The following TMPO variants were observed in gnomAD, a reference collection of about 807,000 sequenced individuals.
TMPO encodes thymopoietin.
Under a neutral mutation model 45.4 loss-of-function variants are expected in TMPO, and 22 were observed. That is an observed-to-expected ratio of 0.48 (90% CI 0.35 to 0.69). The LOEUF (loss-of-function observed/expected upper bound fraction) is 0.69. Ranked by LOEUF, TMPO falls within the 30% of genes least tolerant of loss-of-function variation. The pLI is 0.01. For missense variants in TMPO, 512 were observed against 548.8 expected (o/e 0.93, Z 0.67); for synonymous variants, 241 against 204.1 (o/e 1.18, Z -1.54).
intron 1 of TMPO, chr12:98,516,640 C>A (rs1215773212): frequency 2.7e-6 from 2 of 745,574 alleles, no homozygotes; most frequent in African/African-American, 1.9e-5. Context: ...TGAGGAAATT[C>A]CCGCCTTTTT....
At chr12:98,518,692 G>A (rs1371040978) in intron 1 of TMPO, among the ~76,000 whole-genome samples, 1 of 151,712 alleles carries the variant, frequency 6.6e-6, no homozygotes, top group Admixed American at 6.6e-5. Flanking sequence ...CTTTTGGGGG[G>A]TAAGAAGACC....
chr12:98,516,230 C>G, intron 1 of TMPO, 84 bp downstream of exon 1: 1 of 1,306,034 alleles, frequency 7.7e-7, no homozygotes, highest in Non-Finnish European at 9.7e-7. Flanking sequence ...CCCTCCCTCC[C>G]GGGCGCCCCC....
At chr12:98,516,902 C>A (rs1262693002) in intron 1 of TMPO, among the ~76,000 whole-genome samples, 1 of 152,132 alleles carries the variant, frequency 6.6e-6, no homozygotes, top group African/African-American at 2.4e-5. Flanking sequence ...CTCCACCTCC[C>A]GGGTTCAAGC....
At chr12:98,522,201 GA>G (rs1876425557) in intron 1 of TMPO, among the ~76,000 whole-genome samples, 1 of 152,104 alleles carries the variant, frequency 6.6e-6, no homozygotes, top group Non-Finnish European at 1.5e-5. Context: ...AATTTTTATA[GA>G]GATAGTCTCA....
chr12:98,541,956 C>G (rs1359280348), intron 4 of TMPO, among the ~76,000 whole-genome samples: 1 of 152,178 alleles, frequency 6.6e-6, no homozygotes, highest in Non-Finnish European at 1.5e-5. Flanking sequence ...ACGTAGCCAT[C>G]TTCCTCATTG....
chr12:98,529,719 C>T (rs1445571741), intron 2 of TMPO, among the ~76,000 whole-genome samples: 2 of 151,990 alleles, frequency 1.3e-5, no homozygotes, highest in Non-Finnish European at 2.9e-5. Flanking sequence ...CCACCATTCC[C>T]GGCTAATTTT....
At chr12:98,528,612 T>C (rs1207620709) in intron 2 of TMPO, among the ~76,000 whole-genome samples, 1 of 151,722 alleles carries the variant, frequency 6.6e-6, no homozygotes, top group African/African-American at 2.4e-5. Flanking sequence ...GTGGGTCTTG[T>C]ATGACAATTG....
chr12:98,519,534 A>G lies in TMPO; in HGVS notation c.279+3388A>G, dbSNP rs561357679. ...GTTTTTTAGAGTACCTAGTAGGTCTATTGGCATGGTAATTAAGCTCTTTAC... is the reference window on the plus strand; with the variant it reads ...GTTTTTTAGAGTACCTAGTAGGTCTGTTGGCATGGTAATTAAGCTCTTTAC... On this transcript the variant is annotated intron_variant, in intron 1 of 8. Transcript: ENST00000556029. Among the ~76,000 whole-genome samples, 60 of 152,226 alleles carry G rather than the reference A, an allele frequency of 3.9e-4. 1 individual carries two copies. The highest frequency in any genetic ancestry group is 1.3e-3 in the African/African-American group (54 of 41,548).
At chr12:98,518,145 CAAAAAAAAA>C (rs35978276) in intron 1 of TMPO, among the ~76,000 whole-genome samples, 1 of 98,318 alleles carries the variant, frequency 1.0e-5, no homozygotes, top group African/African-American at 3.3e-5. Context: ...GACTTCGTCT[CAAAAAAAAA>C]AAAAAAAAAA....
intron 1 of TMPO, among the ~76,000 whole-genome samples, chr12:98,521,100 A>ATTTT (rs398044704): frequency 3.3e-4 from 25 of 76,766 alleles, no homozygotes; most frequent in South Asian, 4.4e-4. Context: ...TTTATGAGGA[A>ATTTT]TTTTTTTTTT....
At chr12:98,544,843 C>A in intron 6 of TMPO, 108 bp from the exon 7 acceptor site, 1 of 949,900 alleles carries the variant, frequency 1.1e-6, no homozygotes, top group Non-Finnish European at 1.7e-6. Flanking sequence ...TAAATCTTTA[C>A]TAAGGGAAAA....
intron 1 of TMPO, among the ~76,000 whole-genome samples, chr12:98,522,042 GT>G (rs896266129): frequency 6.6e-6 from 1 of 151,920 alleles, no homozygotes; most frequent in Admixed American, 6.6e-5. Context: ...GTGTTTGTTT[GT>G]TTTTTTAAGA....
chr12:98,539,787 GA>G (rs1312046937), intron 4 of TMPO, among the ~76,000 whole-genome samples: 1 of 152,062 alleles, frequency 6.6e-6, no homozygotes, highest in Non-Finnish European at 1.5e-5. Context: ...AATTGCTTTT[GA>G]TTTTTTTTAT....
chr12:98,519,028 C>A (rs1173880655), intron 1 of TMPO, among the ~76,000 whole-genome samples: 1 of 146,370 alleles, frequency 6.8e-6, no homozygotes, highest in Non-Finnish European at 1.5e-5. Flanking sequence ...ACTACAGGCG[C>A]CCGCCACCAC....
chr12:98,531,696 A>G lies in TMPO; in HGVS notation c.423A>G (p.Leu141=), dbSNP rs750999829. The G allele has an allele frequency of 1.2e-5, 19 of 1,612,718 alleles. No homozygotes were observed. Among genetic ancestry groups the G allele is most frequent in the African/African-American group, 2.7e-5 (2 of 75,016 alleles). Residue 141 remains leucine, a synonymous_variant, in exon 3 of 9, where the codon CTA becomes CTG. Transcript: ENST00000556029. ...TTAATCCAGGAACAACCAGGAAGCT[A>G]TATGAGAAAAAGCTTTTGAAACTGA... ...PGPIVGTTRK[L]YEKKLLKLRE... is the part of the protein sequence containing the mutation.
At chr12:98,535,258 G>C in intron 3 of TMPO, 1 of 982,280 alleles carries the variant, frequency 1.0e-6, no homozygotes, top group Non-Finnish European at 1.2e-6. Context: ...TAGCAATATA[G>C]ACTCTAAAAG....
chr12:98,516,251 C>T (rs1181052063), intron 1 of TMPO, 105 bp downstream of exon 1: 23 of 1,300,690 alleles, frequency 1.8e-5, no homozygotes, highest in Non-Finnish European at 1.8e-5. Context: ...TCGGGCCTCC[C>T]AGGTGCGGGG....
intron 4 of TMPO, among the ~76,000 whole-genome samples, chr12:98,539,875 A>G (rs957399684): frequency 6.6e-6 from 1 of 152,232 alleles, no homozygotes; most frequent in Non-Finnish European, 1.5e-5. Context: ...ATTTTAGCAT[A>G]TATCTCTGAA....
In TMPO at chr12:98,548,027, A is replaced by G; in HGVS notation, c.*169A>G. On this transcript the variant is annotated 3_prime_UTR_variant, in exon 9 of 9. Coordinates refer to ENST00000556029, the MANE Select transcript of TMPO (RefSeq NM_001032283.3). ...AATATATATAAATGGACTTCATTAA[A>G]ATGTTTTTGAACTTTGGACTAGTAG... 1 of 757,234 alleles carries G rather than the reference A, an allele frequency of 1.3e-6. No homozygotes were observed. The highest frequency in any genetic ancestry group is 2.0e-6 in the Non-Finnish European group (1 of 490,562). 46.9% of individuals were successfully genotyped at this position (757,234 alleles called of 1,614,324 possible). A position where few individuals can be genotyped will look rare whatever the true frequency, so the allele number is the denominator to read the frequency against.
Sources: allele counts gnomAD v4.1 joint callset (sites outside exome capture counted in the v4.1 genomes callset), GRCh38; gene constraint gnomAD v4.1.1; transcripts MANE v1.5; gene names NCBI Gene and HGNC (gene_info 2026-07-23, HGNC 2026-07-21).